The following VPS35L variants were observed in gnomAD, a reference collection of about 807,000 sequenced individuals.
VPS35L encodes the protein VPS35 endosomal protein-sorting factor-like.
In VPS35L, 83 loss-of-function variants were observed where a neutral mutation model predicts 133.0. That is an observed-to-expected ratio of 0.62 (90% CI 0.52 to 0.75). VPS35L has a LOEUF of 0.75. Ranked by LOEUF, VPS35L falls within the 30% of genes least tolerant of loss-of-function variation. The pLI is 0.00. For missense variants in VPS35L, 1,083 were observed against 1,206.8 expected, an observed-to-expected ratio of 0.90 and a Z score of 1.52; for synonymous variants, 423 against 449.9, an observed-to-expected ratio of 0.94 and a Z score of 0.76.
intron 26 of VPS35L, among the ~76,000 whole-genome samples, chr16:19,666,959 C>T (rs55709600): frequency 0.17 from 18,816 of 108,662 alleles, 1,829 homozygotes; most frequent in Non-Finnish European, 0.22. Context: ...TTCCTTTCTT[C>T]CTTTCTTCCT....
chr16:19,583,434 G>GA (rs1219817700), intron 7 of VPS35L, among the ~76,000 whole-genome samples: 2 of 152,176 alleles, frequency 1.3e-5, no homozygotes, highest in Non-Finnish European at 2.9e-5. Flanking sequence ...ATGGGGTACA[G>GA]AGTGATATTT....
chr16:19,626,105 G>A (rs1344324298), intron 14 of VPS35L, 72 bp from the exon 15 acceptor site: 1 of 1,007,380 alleles, frequency 9.9e-7, no homozygotes, highest in Non-Finnish European at 1.5e-6. Flanking sequence ...TTCGACTTTG[G>A]AAATCTCTTA....
intron 26 of VPS35L, among the ~76,000 whole-genome samples, chr16:19,661,674 C>G (rs530137900): frequency 3.9e-5 from 6 of 152,340 alleles, no homozygotes; most frequent in Admixed American, 3.3e-4. Flanking sequence ...AGAGAGGACC[C>G]TTCCCGCCAT....
intron 5 of VPS35L, chr16:19,578,412 T>G (rs1597322439): frequency 4.9e-6 from 2 of 411,370 alleles, no homozygotes; most frequent in Non-Finnish European, 9.4e-6. Context: ...CCCCTAAAGA[T>G]GGGGGAAGGA....
At chr16:19,654,305 T>G (rs1470591481) in intron 26 of VPS35L, among the ~76,000 whole-genome samples, 2 of 152,080 alleles carry the variant, frequency 1.3e-5, no homozygotes, top group African/African-American at 4.8e-5. Flanking sequence ...CTTACTGTGT[T>G]TGTTTACTTG....
chr16:19,671,725 C>G (rs1974882384), intron 27 of VPS35L, among the ~76,000 whole-genome samples: 1 of 151,898 alleles, frequency 6.6e-6, no homozygotes, highest in Non-Finnish European at 1.5e-5. Flanking sequence ...TGTAGTGAGC[C>G]AAGATTGTGC....
chr16:19,597,546 C>A (rs193069042), intron 8 of VPS35L, among the ~76,000 whole-genome samples: 2 of 152,268 alleles, frequency 1.3e-5, no homozygotes, highest in East Asian at 3.9e-4. Flanking sequence ...CGCTCGGTAC[C>A]TTCTGCAGCT....
intron 14 of VPS35L, among the ~76,000 whole-genome samples, chr16:19,623,791 T>C (rs1597371295): frequency 8.7e-6 from 1 of 114,586 alleles, no homozygotes; most frequent in South Asian, 2.6e-4. Flanking sequence ...ATTATTATTA[T>C]TATTATTATT....
intron 7 of VPS35L, among the ~76,000 whole-genome samples, chr16:19,582,854 G>A (rs1318599896): frequency 6.6e-6 from 1 of 152,092 alleles, no homozygotes; most frequent in Non-Finnish European, 1.5e-5. Flanking sequence ...ATACATTAAG[G>A]ACTGCCTTCT....
intron 26 of VPS35L, among the ~76,000 whole-genome samples, chr16:19,666,972 C>CTTCCTTTT (rs1567470662): frequency 1.1e-5 from 1 of 93,250 alleles, no homozygotes; most frequent in Non-Finnish European, 2.7e-5. Flanking sequence ...TTCTTCCTTT[C>CTTCCTTTT]TTCCTTTCTT....
In VPS35L at chr16:19,627,770, A is replaced by T; in HGVS notation, c.1348A>T (p.Met450Leu). The T allele has an allele frequency of 6.2e-7, 1 of 1,613,814 alleles. No homozygotes were observed. Among genetic ancestry groups the T allele is most frequent in the Non-Finnish European group, 8.5e-7 (1 of 1,179,722 alleles). ...IATRSMDFIG[M>L]IKECDESGFP... ...CACAAGGTCTATGGATTTCATTGGCATGATTAAAGAGTGTGATGAATCTGG... is the reference window on the plus strand; with the variant it reads ...CACAAGGTCTATGGATTTCATTGGCTTGATTAAAGAGTGTGATGAATCTGG... Residue 450 changes from methionine (M) to leucine (L), a missense_variant, in exon 16 of 31, where the codon ATG becomes TTG. By Grantham distance (15) the Met-to-Leu change is conservative. Transcript: ENST00000417362.
chr16:19,669,131 T>A, intron 26 of VPS35L, 29 bp from the exon 27 acceptor site: 7 of 1,580,702 alleles, frequency 4.4e-6, no homozygotes, highest in Non-Finnish European at 6.0e-6. Flanking sequence ...AGAGTTCTAA[T>A]ATACTGACTT....
chr16:19,687,957 C>T (rs938928445), intron 28 of VPS35L, among the ~76,000 whole-genome samples: 2 of 151,244 alleles, frequency 1.3e-5, no homozygotes, highest in Non-Finnish European at 2.9e-5. Context: ...TACAAAAATA[C>T]AAAATGTAGC....
intron 27 of VPS35L, among the ~76,000 whole-genome samples, chr16:19,677,416 CAG>C (rs1222625683): frequency 1.3e-5 from 2 of 152,220 alleles, no homozygotes; most frequent in South Asian, 2.1e-4. Context: ...AGAGACCTCT[CAG>C]AGCTCCAGAT....
intron 29 of VPS35L, among the ~76,000 whole-genome samples, chr16:19,698,824 C>G (rs925274625): frequency 3.3e-5 from 5 of 152,270 alleles, no homozygotes; most frequent in African/African-American, 1.2e-4. Context: ...GAAGTTGTAT[C>G]CTCTCTCCTG....
At chr16:19,570,875 A>AT (rs1567388756) in intron 3 of VPS35L, among the ~76,000 whole-genome samples, 16 of 45,814 alleles carry the variant, frequency 3.5e-4, no homozygotes, top group African/African-American at 2.0e-3. Context: ...ATATATATAT[A>AT]TATATATATA....
At chr16:19,695,498 CT>C (rs1201078046) in intron 29 of VPS35L, among the ~76,000 whole-genome samples, 2 of 152,146 alleles carry the variant, frequency 1.3e-5, no homozygotes. Context: ...CTGAAAATGT[CT>C]GTCCATATGT....
chr16:19,618,821 A>G (rs1336353967), intron 14 of VPS35L, among the ~76,000 whole-genome samples: 2 of 151,912 alleles, frequency 1.3e-5, no homozygotes, highest in Admixed American at 1.3e-4. Flanking sequence ...CGCAGACATG[A>G]TTTTTATATC....
At chr16:19,610,462 CT>C (rs1371476693) in intron 12 of VPS35L, 47 bp downstream of exon 12, 1 of 1,490,594 alleles carries the variant, frequency 6.7e-7, no homozygotes, top group Non-Finnish European at 9.3e-7. Context: ...TGCCACCCGT[CT>C]CCTTGAATGT....
Sources: gnomAD v4.1 joint callset for allele counts (sites outside exome capture counted in the v4.1 genomes callset) on GRCh38, gnomAD v4.1.1 for gene constraint, MANE v1.5 for transcripts, NCBI Gene and HGNC (gene_info 2026-07-23, HGNC 2026-07-21) for gene names.